Variants in NELL1 observed in about 807,000 individuals in gnomAD.
NELL1 encodes protein kinase C-binding protein NELL1.
Under a neutral mutation model 107.4 loss-of-function variants are expected in NELL1, and 76 were observed. That is an observed-to-expected ratio of 0.71 (90% CI 0.59 to 0.86). The LOEUF (loss-of-function observed/expected upper bound fraction) is 0.86. NELL1 is among the 40% of genes least tolerant of loss of function. NELL1 has a pLI of 0.00. For missense variants in NELL1, 1,024 were observed against 1,005.5 expected, an observed-to-expected ratio of 1.02 and a Z score of -0.25; for synonymous variants, 353 against 341.2, an observed-to-expected ratio of 1.03 and a Z score of -0.38.
chr11:21,557,870 T>C lies in NELL1; in HGVS notation c.1787-2319T>C, dbSNP rs546575150. 2.2e-4 allele frequency among the ~76,000 whole-genome samples: 33 copies of C among 152,148 alleles called. No homozygotes were observed. In the South Asian group the frequency reaches 6.6e-3, roughly 31 times the overall value. On this transcript the variant is annotated intron_variant, in intron 16 of 19. Transcript: ENST00000357134. ...AGTTAAATGGAATAAATACATCGAA[T>C]ATCCATATAGTATTCTGTTATACTC...
chr11:21,421,602 C>G (rs1274366005), intron 15 of NELL1, among the ~76,000 whole-genome samples: 1 of 152,012 alleles, frequency 6.6e-6, no homozygotes, highest in African/African-American at 2.4e-5. Context: ...CGTCCCCACC[C>G]CACAGCATTA....
chr11:21,567,735 A>G (rs540676153), intron 17 of NELL1, among the ~76,000 whole-genome samples: 1 of 151,958 alleles, frequency 6.6e-6, no homozygotes, highest in African/African-American at 2.4e-5. Context: ...AAAGACCCTG[A>G]GGGCAAGTCC....
chr11:21,134,274 GA>G (rs1211746446), intron 13 of NELL1, among the ~76,000 whole-genome samples: 6 of 152,206 alleles, frequency 3.9e-5, no homozygotes, highest in Admixed American at 3.9e-4. Context: ...AAGCTTCTTT[GA>G]GTTGGTATCT....
At chr11:21,372,468 TAAAC>T (rs1463103669) in intron 15 of NELL1, among the ~76,000 whole-genome samples, 14 of 152,012 alleles carry the variant, frequency 9.2e-5, no homozygotes, top group African/African-American at 3.4e-4. Flanking sequence ...ATTTTAAGAT[TAAAC>T]AAAGGAGTTA....
At chr11:20,989,018 C>T (rs1320005738) in intron 12 of NELL1, among the ~76,000 whole-genome samples, 1 of 152,180 alleles carries the variant, frequency 6.6e-6, no homozygotes, top group African/African-American at 2.4e-5. Flanking sequence ...CCTCTCTTGA[C>T]CTCAGTTTTC....
At chr11:20,938,908 G>GTCTCTCTCTCTCTCTCTCTCTCTC (rs71443766) in intron 10 of NELL1, among the ~76,000 whole-genome samples, 16 of 144,628 alleles carry the variant, frequency 1.1e-4, no homozygotes, top group Middle Eastern at 3.5e-3. Context: ...TTCTCTCTCT[G>GTCTCTCTCTCTCTCTCTCTCTCTC]TCTCTCTCTC....
Position 21,003,898 on chromosome 11 carries a change from T to C in NELL1, c.1300+43338T>C, listed in dbSNP as rs913799060. Among the ~76,000 whole-genome samples the C allele has an allele frequency of 7.2e-5, 11 of 152,178 alleles. No individual in the cohort carries two copies. The South Asian group carries it at 1.9e-3, about 26-fold the overall frequency. On this transcript the variant is annotated intron_variant, in intron 12 of 19. Transcript: ENST00000357134. ...GATTCAAATTCTCAAAGTTGAGAAG[T>C]ACTAAATATAATATACAGATGAATA...
chr11:21,019,752 C>G (rs1047511307), intron 12 of NELL1, among the ~76,000 whole-genome samples: 2 of 151,958 alleles, frequency 1.3e-5, no homozygotes, highest in African/African-American at 4.8e-5. Context: ...TAACCCTGTC[C>G]CAGAGTTCCA....
At chr11:21,525,054 T>C (rs1053799441) in intron 15 of NELL1, among the ~76,000 whole-genome samples, 3 of 152,158 alleles carry the variant, frequency 2.0e-5, no homozygotes, top group Admixed American at 6.5e-5. Flanking sequence ...CTTAGAGATA[T>C]AGATCAGAGA....
At chr11:21,385,431 C>A (rs1396420322) in intron 15 of NELL1, among the ~76,000 whole-genome samples, 1 of 151,900 alleles carries the variant, frequency 6.6e-6, no homozygotes, top group Non-Finnish European at 1.5e-5. Flanking sequence ...TGCCTGCATT[C>A]CTGATATTTT....
At chr11:21,446,832 A>T (rs1225601603) in intron 15 of NELL1, among the ~76,000 whole-genome samples, 1 of 152,228 alleles carries the variant, frequency 6.6e-6, no homozygotes, top group Non-Finnish European at 1.5e-5. Flanking sequence ...TTGTGAGGCC[A>T]GCCAGTCTTG....
intron 4 of NELL1, among the ~76,000 whole-genome samples, chr11:20,872,694 G>GTA (rs1364764764): frequency 6.6e-6 from 1 of 151,440 alleles, no homozygotes; most frequent in African/African-American, 2.4e-5. Context: ...GTGTGTGTGT[G>GTA]TGTGTGTGTG....
intron 3 of NELL1, among the ~76,000 whole-genome samples, chr11:20,822,666 G>A (rs947696560): frequency 8.5e-5 from 13 of 152,274 alleles, no homozygotes; most frequent in African/African-American, 2.6e-4. Flanking sequence ...AGTCCTTCAT[G>A]TGGATGATGT....
chr11:21,509,197 A>G (rs1855372807), intron 15 of NELL1, among the ~76,000 whole-genome samples: 1 of 152,190 alleles, frequency 6.6e-6, no homozygotes, highest in Non-Finnish European at 1.5e-5. Flanking sequence ...TGTAGTGGCA[A>G]AAACTAAAAT....
chr11:20,730,681 A>C (rs1383811051), intron 2 of NELL1, among the ~76,000 whole-genome samples: 1 of 152,140 alleles, frequency 6.6e-6, no homozygotes, highest in African/African-American at 2.4e-5. Flanking sequence ...GCTGCTTTGA[A>C]CAGAAGTCTG....
At chr11:21,507,747 C>G (rs952111597) in intron 15 of NELL1, among the ~76,000 whole-genome samples, 5 of 151,088 alleles carry the variant, frequency 3.3e-5, no homozygotes, top group Non-Finnish European at 7.4e-5. Flanking sequence ...TAAAAATATA[C>G]CAGAGAGTTA....
chr11:20,956,725 G>T (rs1047710447), intron 11 of NELL1, among the ~76,000 whole-genome samples: 31 of 151,772 alleles, frequency 2.0e-4, no homozygotes, highest in Non-Finnish European at 4.0e-4. Context: ...TATACTGTTT[G>T]TTAGCTGCAG....
At chr11:21,558,431 C>T (rs1215383017) in intron 16 of NELL1, among the ~76,000 whole-genome samples, 5 of 151,710 alleles carry the variant, frequency 3.3e-5, no homozygotes, top group Non-Finnish European at 7.4e-5. Context: ...TATACACTTA[C>T]TTTTTTGTGA....
intron 3 of NELL1, among the ~76,000 whole-genome samples, chr11:20,820,675 C>T (rs1857730040): frequency 6.6e-6 from 1 of 152,168 alleles, no homozygotes; most frequent in African/African-American, 2.4e-5. Context: ...TGTCCAGCTT[C>T]CTCTTACCCT....
Sources: allele counts gnomAD v4.1 joint callset (sites outside exome capture counted in the v4.1 genomes callset), GRCh38; gene constraint gnomAD v4.1.1; transcripts MANE v1.5; gene names NCBI Gene and HGNC (gene_info 2026-07-23, HGNC 2026-07-21).